The following LRRTM4 variants were observed in gnomAD, a reference collection of about 807,000 sequenced individuals.
The protein encoded by LRRTM4 is leucine-rich repeat transmembrane neuronal protein 4.
A neutral mutation model predicts 47.6 loss-of-function variants in LRRTM4; 25 were observed. The observed-to-expected ratio is 0.53, with a 90% confidence interval of 0.38 to 0.73. The LOEUF (loss-of-function observed/expected upper bound fraction) is 0.73, where lower values mean the gene tolerates loss of function less well. LRRTM4 is among the 30% of genes least tolerant of loss of function. LRRTM4 has a pLI of 0.00. For missense variants in LRRTM4, 638 were observed against 713.4 expected, an observed-to-expected ratio of 0.89 and a Z score of 1.20; for synonymous variants, 311 against 269.5, an observed-to-expected ratio of 1.15 and a Z score of -1.51.
intron 3 of LRRTM4, among the ~76,000 whole-genome samples, chr2:77,242,733 T>C (rs1422681919): frequency 1.3e-5 from 2 of 152,120 alleles, no homozygotes; most frequent in African/African-American, 4.8e-5. Context: ...CTAATTTTAA[T>C]GAGGATGTGT....
At chr2:77,401,554 T>C (rs1558726005) in intron 3 of LRRTM4, among the ~76,000 whole-genome samples, 1 of 152,002 alleles carries the variant, frequency 6.6e-6, no homozygotes, top group East Asian at 1.9e-4. Context: ...TCCTAGCACA[T>C]AGAACAGTTC....
chr2:77,514,178 G>T (rs1233133603), intron 3 of LRRTM4, among the ~76,000 whole-genome samples: 1 of 151,876 alleles, frequency 6.6e-6, no homozygotes, highest in Non-Finnish European at 1.5e-5. Context: ...CCATGACACA[G>T]TTGTAGTCAG....
intron 3 of LRRTM4, among the ~76,000 whole-genome samples, chr2:77,076,751 G>C (rs936505584): frequency 1.3e-5 from 2 of 152,076 alleles, no homozygotes; most frequent in Non-Finnish European, 2.9e-5. Flanking sequence ...TTTAAGTTGC[G>C]TGATTTTGAG....
At chr2:77,045,981 T>A (rs1679222018) in intron 3 of LRRTM4, among the ~76,000 whole-genome samples, 1 of 151,968 alleles carries the variant, frequency 6.6e-6, no homozygotes, top group African/African-American at 2.4e-5. Flanking sequence ...ATAGAACAAT[T>A]TCCTTCCTTT....
intron 3 of LRRTM4, among the ~76,000 whole-genome samples, chr2:77,239,717 T>C (rs1476486187): frequency 6.6e-6 from 1 of 151,884 alleles, no homozygotes; most frequent in Non-Finnish European, 1.5e-5. Flanking sequence ...CAAGGAGATA[T>C]AATAACCCTA....
At chr2:77,504,643 T>G (rs908749311) in intron 3 of LRRTM4, among the ~76,000 whole-genome samples, 3 of 151,598 alleles carry the variant, frequency 2.0e-5, no homozygotes, top group Admixed American at 6.6e-5. Context: ...ATTTACAATC[T>G]TAAGGAAAAA....
At chr2:76,820,183 G>C (rs1189980194) in intron 3 of LRRTM4, among the ~76,000 whole-genome samples, 2 of 151,840 alleles carry the variant, frequency 1.3e-5, no homozygotes, top group African/African-American at 4.8e-5. Flanking sequence ...GTAATTGATG[G>C]TTTCTAAGTT....
chr2:77,209,426 G>GAA (rs796142527), intron 3 of LRRTM4, among the ~76,000 whole-genome samples: 2 of 130,272 alleles, frequency 1.5e-5, no homozygotes, highest in Non-Finnish European at 3.4e-5. Context: ...GCTTTTGTAA[G>GAA]AAAAAAAAAA....
intron 3 of LRRTM4, among the ~76,000 whole-genome samples, chr2:76,925,777 T>C (rs1283433831): frequency 6.6e-6 from 1 of 152,154 alleles, no homozygotes; most frequent in Non-Finnish European, 1.5e-5. Context: ...CTATGCAATT[T>C]TGCATGGCAA....
chr2:77,061,355 T>A (rs1679778407), intron 3 of LRRTM4, among the ~76,000 whole-genome samples: 1 of 152,208 alleles, frequency 6.6e-6, no homozygotes, highest in Admixed American at 6.5e-5. Context: ...CCTTAATTTA[T>A]TCTGTCTAGT....
intron 3 of LRRTM4, among the ~76,000 whole-genome samples, chr2:77,293,352 C>T (rs1454047514): frequency 6.6e-6 from 1 of 152,100 alleles, no homozygotes; most frequent in African/African-American, 2.4e-5. Context: ...CAGCATGTTT[C>T]AAGCAGTTAT....
rs1488757064 is a variant in LRRTM4, at chr2:77,283,068, C to T, written c.1551+235250G>A. Among the ~76,000 whole-genome samples, 3 of 151,974 alleles carry T rather than the reference C, an allele frequency of 2.0e-5. 1 individual carries two copies. ...CCTACAGAATGGTAGAAAATATTCA[C>T]AAACTATCCATCCAACAAAAGACTA... On this transcript the variant is annotated intron_variant, in intron 3 of 3. Transcript: ENST00000409884.
At chr2:77,351,773 G>A (rs765517422) in intron 3 of LRRTM4, among the ~76,000 whole-genome samples, 39 of 151,668 alleles carry the variant, frequency 2.6e-4, no homozygotes, top group Non-Finnish European at 4.7e-4. Flanking sequence ...GAGGAGGAAG[G>A]GGCCAAGTAA....
At chr2:76,934,084 G>T (rs112113946) in intron 3 of LRRTM4, among the ~76,000 whole-genome samples, 2 of 152,086 alleles carry the variant, frequency 1.3e-5, no homozygotes, top group African/African-American at 4.8e-5. Flanking sequence ...CTCAAAGCAG[G>T]ACTCTGTATT....
intron 3 of LRRTM4, among the ~76,000 whole-genome samples, chr2:77,373,529 G>T (rs1672726082): frequency 6.6e-6 from 1 of 151,492 alleles, no homozygotes; most frequent in Admixed American, 6.6e-5. Context: ...AAAACAATCA[G>T]ACTTATTAGA....
rs1275264510 is a variant in LRRTM4, at chr2:76,818,332, C to T, written c.1552-69416G>A. Among the ~76,000 whole-genome samples the T allele has an allele frequency of 2.0e-5, 3 of 151,416 alleles. No homozygotes were observed. The East Asian group carries it at 5.8e-4, about 29-fold the overall frequency. ...ATTTACCTAATAGGACATAATCTCT[C>T]ATAATAACAAATTTCTGTTCAATAG... On this transcript the variant is annotated intron_variant, in intron 3 of 3. Transcript: ENST00000409884.
chr2:77,348,642 T>TA lies in LRRTM4; in HGVS notation c.1551+169675dup, dbSNP rs778920059. Reference sequence around the variant, plus strand: ...TCTGTTATTGGAATTATGATTTTTTTAAAAAATAGCATTTTGCTTATATAT... The same window carrying TA: ...TCTGTTATTGGAATTATGATTTTTTTAAAAAAATAGCATTTTGCTTATATAT... On this transcript the variant is annotated intron_variant, in intron 3 of 3. Transcript: ENST00000409884. Among the ~76,000 whole-genome samples the TA allele has an allele frequency of 1.3e-4, 19 of 150,654 alleles. No homozygotes were observed. In the East Asian group the frequency reaches 3.1e-3, roughly 25 times the overall value.
chr2:77,137,211 AG>A (rs1671971213), intron 3 of LRRTM4, among the ~76,000 whole-genome samples: 1 of 151,912 alleles, frequency 6.6e-6, no homozygotes, highest in Non-Finnish European at 1.5e-5. Flanking sequence ...AAAAATGTTA[AG>A]GGCAGCCAGA....
At chr2:77,270,786 G>A (rs145498984) in intron 3 of LRRTM4, among the ~76,000 whole-genome samples, 108 of 152,314 alleles carry the variant, frequency 7.1e-4, no homozygotes, top group African/African-American at 2.5e-3. Flanking sequence ...GATTGAGAAT[G>A]TGTCTTCCTG....
Sources: gnomAD v4.1 joint callset for allele counts (sites outside exome capture counted in the v4.1 genomes callset) on GRCh38, gnomAD v4.1.1 for gene constraint, MANE v1.5 for transcripts, NCBI Gene and HGNC (gene_info 2026-07-23, HGNC 2026-07-21) for gene names.